EVI5: variants seen among roughly 807,000 people sequenced by gnomAD.
The protein encoded by EVI5 is ecotropic viral integration site 5 protein homolog.
EVI5 carries 73 observed loss-of-function variants against 112.0 expected under a neutral mutation model. The observed-to-expected ratio is 0.65, with a 90% confidence interval of 0.54 to 0.79. The LOEUF is 0.79. Among genes scored for constraint, EVI5 ranks in the 30% least tolerant of loss-of-function variants. The pLI is 0.00. For synonymous variants in EVI5, 305 were observed against 319.9 expected (o/e 0.95, Z 0.50); for missense variants, 900 against 968.8 (o/e 0.93, Z 0.94).
chr1:92,597,380 T>A (rs763470609), intron 18 of EVI5, among the ~76,000 whole-genome samples: 2 of 152,214 alleles, frequency 1.3e-5, no homozygotes, highest in Non-Finnish European at 2.9e-5. Flanking sequence ...ATAGTTGGCA[T>A]CTTCTTGCAT....
At chr1:92,541,760 C>T (rs1165011594) in intron 19 of EVI5, among the ~76,000 whole-genome samples, 1 of 152,124 alleles carries the variant, frequency 6.6e-6, no homozygotes, top group Non-Finnish European at 1.5e-5. Context: ...CAGAATAAAG[C>T]GAGTCACATG....
chr1:92,517,523 CTTAA>C (rs1027343134), intron 19 of EVI5, among the ~76,000 whole-genome samples: 1 of 152,160 alleles, frequency 6.6e-6, no homozygotes, highest in Non-Finnish European at 1.5e-5. Flanking sequence ...AAATGGAACT[CTTAA>C]TTATTTAGGA....
chr1:92,659,633 A>G (rs2102142789), intron 13 of EVI5, among the ~76,000 whole-genome samples: 1 of 152,196 alleles, frequency 6.6e-6, no homozygotes, highest in South Asian at 2.1e-4. Flanking sequence ...CATATACACT[A>G]CTGGTGGGAA....
At chr1:92,553,725 C>T (rs1362136652) in intron 19 of EVI5, among the ~76,000 whole-genome samples, 1 of 152,172 alleles carries the variant, frequency 6.6e-6, no homozygotes, top group Admixed American at 6.5e-5. Context: ...TGAGCCACCA[C>T]GCCCTGCCCC....
chr1:92,616,288 G>GTAAT (rs1168568859), intron 16 of EVI5, among the ~76,000 whole-genome samples: 5 of 152,136 alleles, frequency 3.3e-5, no homozygotes, highest in African/African-American at 1.2e-4. Flanking sequence ...GAAGAGGCCT[G>GTAAT]TAATTGCTCT....
intron 5 of EVI5, among the ~76,000 whole-genome samples, chr1:92,701,340 T>C (rs1671122538): frequency 6.6e-6 from 1 of 152,178 alleles, no homozygotes; most frequent in African/African-American, 2.4e-5. Context: ...TTACCTCAAA[T>C]AACCCTCACA....
chr1:92,674,863 G>A (rs772136350), intron 10 of EVI5, among the ~76,000 whole-genome samples: 36 of 152,232 alleles, frequency 2.4e-4, no homozygotes, highest in Non-Finnish European at 5.1e-4. Context: ...TATAAAAAGA[G>A]AACAGACTAC....
At chr1:92,789,448 G>A (rs901271160), upstream of EVI5, among the ~76,000 whole-genome samples, 1 of 151,850 alleles carries the variant, frequency 6.6e-6, no homozygotes, top group Admixed American at 6.6e-5. Flanking sequence ...GACTACAGGC[G>A]CCTGCCACCA....
intron 19 of EVI5, among the ~76,000 whole-genome samples, chr1:92,529,568 C>G (rs1027352137): frequency 1.3e-5 from 2 of 152,176 alleles, no homozygotes; most frequent in African/African-American, 4.8e-5. Context: ...TGTGCATAAT[C>G]AGTCTCAGTT....
rs1049162047 is a variant in EVI5, at chr1:92,742,341, C to T, written c.-81-5714G>A. On this transcript the variant is annotated intron_variant, in intron 1 of 19. Coordinates refer to ENST00000684568, the MANE Select transcript of EVI5 (RefSeq NM_001350197.2). ...TCCTGAGTAGCTGGTACTATAGGCA[C>T]GAGCCACTGTGCCCAGCTAACATCA... Among the ~76,000 whole-genome samples the T allele has an allele frequency of 4.0e-5, 6 of 151,792 alleles. No individual in the cohort carries two copies. The South Asian group carries it at 6.2e-4, about 16-fold the overall frequency.
Position 92,628,040 on chromosome 1 carries a change from G to A in EVI5, c.1528-2106C>T, listed in dbSNP as rs565995634. On this transcript the variant is annotated intron_variant, in intron 14 of 19. Coordinates refer to ENST00000684568, the MANE Select transcript of EVI5 (RefSeq NM_001350197.2). ...CCTGACCTTGTGATCCACCAACCTC[G>A]GCCTCCCAAAGGGCTGGGATTACAG... 2.8e-4 allele frequency among the ~76,000 whole-genome samples: 42 copies of A among 152,148 alleles called. 1 individual carries two copies. The highest frequency in any genetic ancestry group is 2.7e-3 in the Admixed American group (41 of 15,290).
intron 1 of EVI5, among the ~76,000 whole-genome samples, chr1:92,777,049 G>A (rs1163692344): frequency 1.3e-5 from 2 of 151,912 alleles, no homozygotes; most frequent in African/African-American, 2.4e-5. Flanking sequence ...TGATCCACCC[G>A]CCTTGGCCTC....
intron 1 of EVI5, among the ~76,000 whole-genome samples, chr1:92,761,057 C>CAAAA (rs35833050): frequency 1.1e-4 from 12 of 106,138 alleles, no homozygotes; most frequent in African/African-American, 3.1e-4. Context: ...GGCTCCATCT[C>CAAAA]AAAAAAAAAA....
intron 18 of EVI5, among the ~76,000 whole-genome samples, chr1:92,587,142 A>C (rs888307619): frequency 9.2e-5 from 14 of 152,138 alleles, no homozygotes; most frequent in Non-Finnish European, 1.9e-4. Context: ...GAATCTCTGA[A>C]CACTTCAGAA....
chr1:92,771,801 T>C lies in EVI5; in HGVS notation c.-82+13035A>G, dbSNP rs147182299. Among the ~76,000 whole-genome samples, 1,027 of 151,906 alleles carry C rather than the reference T, an allele frequency of 6.8e-3. 13 individuals carry two copies. The highest frequency in any genetic ancestry group is 0.023 in the African/African-American group (946 of 41,490). ...ATACATCAATTTTCAAGTGTATTACTTTACTGTGTGTTTTACCTATTCCAA... is the reference window on the plus strand; with the variant it reads ...ATACATCAATTTTCAAGTGTATTACCTTACTGTGTGTTTTACCTATTCCAA... On this transcript the variant is annotated intron_variant, in intron 1 of 19. Coordinates refer to ENST00000684568, the MANE Select transcript of EVI5 (RefSeq NM_001350197.2).
At chr1:92,660,617 T>A (rs1359268673) in intron 13 of EVI5, among the ~76,000 whole-genome samples, 1 of 152,036 alleles carries the variant, frequency 6.6e-6, no homozygotes, top group Non-Finnish European at 1.5e-5. Context: ...AGGCAATCAA[T>A]GTGTTAGCTA....
intron 2 of EVI5, among the ~76,000 whole-genome samples, chr1:92,709,946 A>G (rs941777208): frequency 6.6e-6 from 1 of 151,944 alleles, no homozygotes; most frequent in Admixed American, 6.6e-5. Context: ...CAAAGCCTTG[A>G]GCTTGGCAGC....
chr1:92,679,685 T>C (rs926001604), intron 9 of EVI5, among the ~76,000 whole-genome samples: 3 of 152,208 alleles, frequency 2.0e-5, no homozygotes, highest in African/African-American at 7.2e-5. Flanking sequence ...TGCTGTTACC[T>C]AAAGCCCATG....
intron 19 of EVI5, among the ~76,000 whole-genome samples, chr1:92,558,852 A>G (rs1668070774): frequency 6.7e-6 from 1 of 148,388 alleles, no homozygotes; most frequent in African/African-American, 2.5e-5. Context: ...AAAAAAAAAA[A>G]GGGCAAAACA....
Sources: gnomAD v4.1 joint callset for allele counts (sites outside exome capture counted in the v4.1 genomes callset) on GRCh38, gnomAD v4.1.1 for gene constraint, MANE v1.5 for transcripts, NCBI Gene and HGNC (gene_info 2026-07-23, HGNC 2026-07-21) for gene names.